MGAT4C: variants seen among roughly 807,000 people sequenced by gnomAD.
MGAT4C encodes alpha-1,3-mannosyl-glycoprotein 4-beta-N-acetylglucosaminyltransferase C.
MGAT4C carries 19 observed loss-of-function variants against 40.1 expected under a neutral mutation model. The observed-to-expected ratio is 0.47, with a 90% confidence interval of 0.33 to 0.70. The LOEUF (loss-of-function observed/expected upper bound fraction) is 0.70. Ranked by LOEUF, MGAT4C falls within the 30% of genes least tolerant of loss-of-function variation. MGAT4C has a pLI of 0.02. For synonymous variants in MGAT4C, 181 were observed against 187.1 expected, an observed-to-expected ratio of 0.97 and a Z score of 0.27; for missense variants, 491 against 563.2, an observed-to-expected ratio of 0.87 and a Z score of 1.30.
intron 1 of MGAT4C, among the ~76,000 whole-genome samples, chr12:86,831,280 G>C (rs995173420): frequency 6.6e-6 from 1 of 151,584 alleles, no homozygotes; most frequent in Non-Finnish European, 1.5e-5. Context: ...TCTGAAGCTC[G>C]AATCATTCTG....
intron 3 of MGAT4C, among the ~76,000 whole-genome samples, chr12:86,340,888 G>A (rs773912489): frequency 3.3e-5 from 5 of 152,018 alleles, no homozygotes; most frequent in Non-Finnish European, 5.9e-5. Flanking sequence ...TCACCTTAAG[G>A]CCCAAGTTTA....
At chr12:86,294,699 C>A (rs1953618108) in intron 4 of MGAT4C, among the ~76,000 whole-genome samples, 1 of 152,070 alleles carries the variant, frequency 6.6e-6, no homozygotes, top group Non-Finnish European at 1.5e-5. Context: ...AAGTTAAATA[C>A]TTTTAGTTTC....
At chr12:86,163,010 T>C (rs1431029107) in intron 1 of MGAT4C, among the ~76,000 whole-genome samples, 1 of 152,102 alleles carries the variant, frequency 6.6e-6, no homozygotes, top group Non-Finnish European at 1.5e-5. Context: ...GCCTCTGATA[T>C]CAGTAAGTCT....
At chr12:86,140,032 T>C (rs1882607932) in intron 1 of MGAT4C, among the ~76,000 whole-genome samples, 1 of 152,194 alleles carries the variant, frequency 6.6e-6, no homozygotes, top group African/African-American at 2.4e-5. Flanking sequence ...CCCTGACCTC[T>C]CCCTCATTTA....
chr12:86,157,637 A>T (rs12425651), intron 1 of MGAT4C, among the ~76,000 whole-genome samples: 2,750 of 152,262 alleles, frequency 0.018, 108 homozygotes, highest in Admixed American at 0.1. Context: ...GATTTAATTG[A>T]TGTACAATTC....
intron 2 of MGAT4C, among the ~76,000 whole-genome samples, chr12:86,602,974 A>G (rs1961840903): frequency 6.6e-6 from 1 of 151,774 alleles, no homozygotes; most frequent in Non-Finnish European, 1.5e-5. Flanking sequence ...ACACTGATGA[A>G]TATGAAGCAT....
chr12:86,127,805 T>C (rs1173766784), intron 1 of MGAT4C, among the ~76,000 whole-genome samples: 1 of 152,156 alleles, frequency 6.6e-6, no homozygotes, highest in African/African-American at 2.4e-5. Flanking sequence ...GCTCCACATC[T>C]TGTCCCCTGG....
chr12:86,363,637 A>C lies in MGAT4C; in HGVS notation c.-119-29510T>G, dbSNP rs1318899053. Among the ~76,000 whole-genome samples the C allele has an allele frequency of 2.0e-5, 3 of 152,106 alleles. No individual in the cohort carries two copies. The East Asian group carries it at 5.8e-4, about 29-fold the overall frequency. On this transcript the variant is annotated intron_variant, in intron 3 of 7. Coordinates refer to the MGAT4C transcript ENST00000548651. Reference sequence around the variant, plus strand: ...TAGGCTTTAAAACAATGAAATTTGAAGGTAGAAAATAATAAAATTAATGGA... The same window carrying C: ...TAGGCTTTAAAACAATGAAATTTGACGGTAGAAAATAATAAAATTAATGGA...
intron 2 of MGAT4C, among the ~76,000 whole-genome samples, chr12:86,467,540 G>A (rs756370598): frequency 1.5e-4 from 23 of 151,994 alleles, no homozygotes; most frequent in Non-Finnish European, 3.1e-4. Flanking sequence ...GAATAACAAA[G>A]GGTTAAACTA....
chr12:86,731,490 ATCT>A (rs1328130447), intron 1 of MGAT4C, among the ~76,000 whole-genome samples: 1 of 152,060 alleles, frequency 6.6e-6, no homozygotes, highest in Non-Finnish European at 1.5e-5. Context: ...TTGTTGAATC[ATCT>A]TAGTCTCTTT....
intron 2 of MGAT4C, among the ~76,000 whole-genome samples, chr12:86,511,543 TA>T (rs1464896981): frequency 6.6e-6 from 1 of 152,112 alleles, no homozygotes; most frequent in East Asian, 1.9e-4. Context: ...TGTACTAATA[TA>T]AAGACAGACA....
intron 2 of MGAT4C, among the ~76,000 whole-genome samples, chr12:86,491,141 T>C (rs887492949): frequency 4.6e-5 from 7 of 152,066 alleles, no homozygotes; most frequent in Non-Finnish European, 1.0e-4. Context: ...TCTGAAATTG[T>C]GGCAATAATC....
chr12:86,116,263 T>C (rs1566005190), intron 1 of MGAT4C, among the ~76,000 whole-genome samples: 1 of 152,082 alleles, frequency 6.6e-6, no homozygotes, highest in South Asian at 2.1e-4. Context: ...ATCTGACTTA[T>C]GCATTAACGG....
intron 1 of MGAT4C, among the ~76,000 whole-genome samples, chr12:86,059,376 T>C (rs1351372630): frequency 6.6e-6 from 1 of 152,180 alleles, no homozygotes; most frequent in African/African-American, 2.4e-5. Flanking sequence ...ACTAGCCCTT[T>C]CTTCATCATT....
intron 4 of MGAT4C, 142 bp from the exon 5 acceptor site, chr12:85,980,572 T>C: frequency 1.5e-6 from 1 of 676,100 alleles, no homozygotes; most frequent in African/African-American, 1.8e-5. Flanking sequence ...GAACATTTTA[T>C]GATTAAAGTA....
intron 3 of MGAT4C, among the ~76,000 whole-genome samples, chr12:86,346,698 A>G (rs939530332): frequency 1.5e-4 from 23 of 152,206 alleles, no homozygotes; most frequent in African/African-American, 4.3e-4. Context: ...TTGAGTGTCA[A>G]CATGATTGGA....
intron 2 of MGAT4C, among the ~76,000 whole-genome samples, chr12:86,667,886 G>T (rs1430322588): frequency 6.6e-6 from 1 of 152,158 alleles, no homozygotes; most frequent in African/African-American, 2.4e-5. Context: ...AGCAAGTGAG[G>T]CTGCTTTTCT....
chr12:86,743,387 T>C (rs1951103868), intron 1 of MGAT4C, among the ~76,000 whole-genome samples: 3 of 151,628 alleles, frequency 2.0e-5, no homozygotes, highest in African/African-American at 7.2e-5. Context: ...TTATGGTACA[T>C]ATACATTTTA....
intron 4 of MGAT4C, among the ~76,000 whole-genome samples, chr12:86,309,928 G>A (rs1954027382): frequency 6.6e-6 from 1 of 152,052 alleles, no homozygotes; most frequent in Admixed American, 6.5e-5. Context: ...ATAAAATAGG[G>A]AAGTGTATAA....
Sources: allele counts gnomAD v4.1 joint callset (sites outside exome capture counted in the v4.1 genomes callset), GRCh38; gene constraint gnomAD v4.1.1; transcripts MANE v1.5; gene names NCBI Gene and HGNC (gene_info 2026-07-23, HGNC 2026-07-21).